Variants in SCAI observed in about 807,000 individuals in gnomAD.
SCAI encodes protein SCAI.
In SCAI, 24 loss-of-function variants were observed where a neutral mutation model predicts 92.2. The observed-to-expected ratio is 0.26, with a 90% CI of 0.19 to 0.37. The LOEUF (loss-of-function observed/expected upper bound fraction) is 0.37, where lower values mean the gene tolerates loss of function less well. Among genes scored for constraint, SCAI ranks in the 10% least tolerant of loss-of-function variants. SCAI has a pLI of 1.00. For synonymous variants in SCAI, 261 were observed against 258.6 expected (o/e 1.01, Z -0.09); for missense variants, 450 against 736.2 (o/e 0.61, Z 4.50).
At chr9:125,129,711 G>T (rs1835358739) in intron 2 of SCAI, among the ~76,000 whole-genome samples, 1 of 151,642 alleles carries the variant, frequency 6.6e-6, no homozygotes, top group Non-Finnish European at 1.5e-5. Context: ...TGATCCACCA[G>T]CCTCAGCCTC....
In SCAI at chr9:125,060,680, C is replaced by A. The variant is rs985447977; in HGVS notation, c.99-4673G>T. ...CTGATGGTTTTATCAGGGGTGTCCG[C>A]TTTTGCTTCCTCCTCATTTTCTCTT... is the stretch of plus-strand genomic sequence containing the variant. On this transcript the variant is annotated intron_variant, in intron 2 of 17. Transcript: ENST00000336505. Among the ~76,000 whole-genome samples, 23 of 152,160 alleles carry A rather than the reference C, an allele frequency of 1.5e-4. No individual in the cohort carries two copies. In the South Asian group the frequency reaches 1.9e-3, roughly 12 times the overall value.
intron 9 of SCAI, among the ~76,000 whole-genome samples, chr9:125,017,967 A>C (rs62582246): frequency 0.68 from 102,175 of 151,346 alleles, 34,758 homozygotes; most frequent in Admixed American, 0.71. Flanking sequence ...CAAAATCATG[A>C]CACTGCACTC....
At chr9:125,042,342 T>C (rs910632927) in intron 3 of SCAI, among the ~76,000 whole-genome samples, 11 of 152,072 alleles carry the variant, frequency 7.2e-5, no homozygotes, top group East Asian at 1.9e-4. Context: ...AAATATAACG[T>C]TGAGATATCA....
intron 3 of SCAI, among the ~76,000 whole-genome samples, chr9:125,045,621 T>A (rs1291421845): frequency 6.6e-6 from 1 of 152,124 alleles, no homozygotes; most frequent in Non-Finnish European, 1.5e-5. Context: ...CAGGCATGAG[T>A]CGCTGTGCCT....
chr9:125,023,424 C>T (rs571084927), intron 6 of SCAI, among the ~76,000 whole-genome samples: 31 of 152,128 alleles, frequency 2.0e-4, no homozygotes, highest in South Asian at 8.3e-4. Flanking sequence ...ATCATATTGT[C>T]GAAAGTGGAA....
chr9:125,046,194 G>GATATATATATATATAT (rs1554784565), intron 3 of SCAI, among the ~76,000 whole-genome samples: 4 of 15,522 alleles, frequency 2.6e-4, no homozygotes, highest in Admixed American at 9.0e-4. Context: ...AAGAAATTGT[G>GATATATATATATATAT]AGATATATAT....
intron 14 of SCAI, among the ~76,000 whole-genome samples, chr9:124,979,141 G>A (rs1247965048): frequency 6.6e-6 from 1 of 151,948 alleles, no homozygotes; most frequent in Non-Finnish European, 1.5e-5. Context: ...GATTACAAGT[G>A]TGAGCCACCA....
intron 2 of SCAI, among the ~76,000 whole-genome samples, chr9:125,080,907 A>T (rs1023653176): frequency 2.6e-5 from 4 of 152,212 alleles, no homozygotes; most frequent in African/African-American, 9.6e-5. Context: ...GGGACAAGTC[A>T]TTCTCATGCT....
chr9:125,014,692 A>T (rs1486052032), intron 9 of SCAI, among the ~76,000 whole-genome samples: 2 of 152,222 alleles, frequency 1.3e-5, no homozygotes, highest in Non-Finnish European at 2.9e-5. Context: ...TTTAAAGTTC[A>T]TATGGAACCA....
intron 2 of SCAI, among the ~76,000 whole-genome samples, chr9:125,063,238 A>C (rs1290195239): frequency 6.6e-6 from 1 of 151,484 alleles, no homozygotes; most frequent in Non-Finnish European, 1.5e-5. Context: ...GCAAAACAGC[A>C]TCTCTATTAA....
At chr9:125,074,258 CAA>C (rs1160696426) in intron 2 of SCAI, among the ~76,000 whole-genome samples, 43 of 84,794 alleles carry the variant, frequency 5.1e-4, no homozygotes, top group South Asian at 8.7e-4. Flanking sequence ...GACTCCATAT[CAA>C]AAAAAAAAAA....
At chr9:125,064,096 C>T (rs1223615354) in intron 2 of SCAI, among the ~76,000 whole-genome samples, 1 of 152,000 alleles carries the variant, frequency 6.6e-6, no homozygotes, top group Non-Finnish European at 1.5e-5. Flanking sequence ...AATAACATAG[C>T]CTCAAAATAT....
At chr9:125,031,350 C>T (rs1833071186) in intron 3 of SCAI, among the ~76,000 whole-genome samples, 1 of 152,012 alleles carries the variant, frequency 6.6e-6, no homozygotes, top group Non-Finnish European at 1.5e-5. Context: ...CAAGCTCCTC[C>T]TCCCAGGTTC....
At chr9:125,038,118 A>C (rs895869452) in intron 3 of SCAI, among the ~76,000 whole-genome samples, 2 of 151,988 alleles carry the variant, frequency 1.3e-5, no homozygotes, top group African/African-American at 4.8e-5. Flanking sequence ...TTAGCCAGAC[A>C]TGGTGGCACA....
chr9:125,104,727 C>CAG (rs1834741234), intron 2 of SCAI, among the ~76,000 whole-genome samples: 1 of 151,590 alleles, frequency 6.6e-6, no homozygotes, highest in South Asian at 2.1e-4. Context: ...GATGGTGAAA[C>CAG]TCCATCTTTC....
In SCAI at chr9:124,989,031, C is replaced by T. The variant is rs188434822; in HGVS notation, c.1326+5903G>A. ...GCGCATGCCTGTAATCCCAGCTACT[C>T]GGGAGGCTGAGGCAGGAGAATCTCC... On this transcript the variant is annotated intron_variant, in intron 14 of 17. Transcript: ENST00000336505. 1.8e-4 allele frequency among the ~76,000 whole-genome samples: 27 copies of T among 152,014 alleles called. 1 individual carries two copies. In the South Asian group the frequency reaches 5.0e-3, roughly 28 times the overall value.
At chr9:125,105,895 G>C (rs1248087434) in intron 2 of SCAI, among the ~76,000 whole-genome samples, 1 of 151,046 alleles carries the variant, frequency 6.6e-6, no homozygotes, top group Non-Finnish European at 1.5e-5. Context: ...TCAAGAGATG[G>C]ACACCAGCCT....
At chr9:125,100,600 C>T (rs1442706003) in intron 2 of SCAI, among the ~76,000 whole-genome samples, 1 of 152,150 alleles carries the variant, frequency 6.6e-6, no homozygotes, top group Non-Finnish European at 1.5e-5. Context: ...ATGAGCAAAA[C>T]ACACATAAAA....
intron 3 of SCAI, among the ~76,000 whole-genome samples, chr9:125,037,164 G>A (rs764206911): frequency 3.3e-5 from 5 of 152,078 alleles, no homozygotes; most frequent in African/African-American, 7.2e-5. Context: ...AGCTACTTGG[G>A]AGGCTGAGGC....
Sources: gnomAD v4.1 joint callset for allele counts (sites outside exome capture counted in the v4.1 genomes callset) on GRCh38, gnomAD v4.1.1 for gene constraint, MANE v1.5 for transcripts, NCBI Gene and HGNC (gene_info 2026-07-23, HGNC 2026-07-21) for gene names.